The following DPP10 variants were observed in gnomAD, a reference collection of about 807,000 sequenced individuals.
The protein encoded by DPP10 is inactive dipeptidyl peptidase 10.
A neutral mutation model predicts 120.9 loss-of-function variants in DPP10; 33 were observed. That is an observed-to-expected ratio of 0.27 (90% CI 0.21 to 0.37). DPP10 has a LOEUF of 0.37. Ranked by LOEUF, DPP10 falls within the 10% of genes least tolerant of loss-of-function variation. The pLI is 1.00. For synonymous variants in DPP10, 337 were observed against 326.1 expected (o/e 1.03, Z -0.36); for missense variants, 816 against 942.8 (o/e 0.87, Z 1.76).
At chr2:115,784,291 C>T (rs1186276242) in intron 17 of DPP10, among the ~76,000 whole-genome samples, 2 of 151,984 alleles carry the variant, frequency 1.3e-5, no homozygotes, top group East Asian at 3.9e-4. Flanking sequence ...TAAGTCATAA[C>T]TCATTTTTGG....
intron 1 of DPP10, among the ~76,000 whole-genome samples, chr2:115,063,898 G>A (rs922901970): frequency 6.6e-6 from 1 of 152,010 alleles, no homozygotes; most frequent in African/African-American, 2.4e-5. Context: ...TGTATATAAG[G>A]TTTTATGATT....
At chr2:115,537,462 TATA>T (rs1166945308) in intron 5 of DPP10, among the ~76,000 whole-genome samples, 5 of 151,964 alleles carry the variant, frequency 3.3e-5, no homozygotes, top group African/African-American at 9.7e-5. Flanking sequence ...TTTTCTCTAT[TATA>T]AGGCTTTAGA....
chr2:114,663,280 A>T lies in DPP10; in HGVS notation c.60+220442A>T, dbSNP rs987143095. ...TATATCTATATATATATACACACAC[A>T]TATATGTATACATATACATATATAC... On this transcript the variant is annotated intron_variant, in intron 1 of 25. Transcript: ENST00000410059. 1.2e-4 allele frequency among the ~76,000 whole-genome samples: 18 copies of T among 149,906 alleles called. No individual in the cohort carries two copies. The Admixed American group carries it at 1.2e-3, about 10-fold the overall frequency.
chr2:115,518,055 C>T (rs1027120482), intron 4 of DPP10, among the ~76,000 whole-genome samples: 4 of 152,072 alleles, frequency 2.6e-5, no homozygotes, highest in Non-Finnish European at 4.4e-5. Flanking sequence ...AGAGAGAGGA[C>T]GTGCCAGGCT....
intron 1 of DPP10, among the ~76,000 whole-genome samples, chr2:114,467,495 G>A (rs150808336): frequency 6.6e-6 from 1 of 152,136 alleles, no homozygotes; most frequent in East Asian, 1.9e-4. Context: ...TAGATGTCTA[G>A]AGATCAGAGT....
intron 3 of DPP10, among the ~76,000 whole-genome samples, chr2:115,350,489 C>T (rs974519402): frequency 1.3e-5 from 2 of 151,842 alleles, no homozygotes; most frequent in Non-Finnish European, 2.9e-5. Flanking sequence ...GAAATTCAAA[C>T]CTAACAAGTA....
At chr2:115,520,743 A>G (rs889275449) in intron 4 of DPP10, among the ~76,000 whole-genome samples, 2 of 152,114 alleles carry the variant, frequency 1.3e-5, no homozygotes, top group African/African-American at 2.4e-5. Flanking sequence ...TGAATATTTT[A>G]TGTTTTCTGA....
chr2:115,621,310 T>C (rs1237447205), intron 5 of DPP10, among the ~76,000 whole-genome samples: 3 of 152,220 alleles, frequency 2.0e-5, no homozygotes, highest in South Asian at 2.1e-4. Context: ...CCTTCTATTA[T>C]AAAATATTAC....
intron 1 of DPP10, among the ~76,000 whole-genome samples, chr2:115,279,625 TTTTCTTTC>T (rs1331758782): frequency 4.6e-5 from 7 of 150,714 alleles, no homozygotes; most frequent in African/African-American, 9.8e-5. Context: ...CTTTTATCTT[TTTTCTTTC>T]TTTCTTTCTT....
chr2:115,500,572 A>T (rs1274325703), intron 4 of DPP10, among the ~76,000 whole-genome samples: 1 of 152,050 alleles, frequency 6.6e-6, no homozygotes, highest in East Asian at 1.9e-4. Context: ...AGGTCATTAC[A>T]ATCATTAAGT....
At chr2:115,788,269 G>GA (rs1248120116) in intron 17 of DPP10, among the ~76,000 whole-genome samples, 1 of 151,998 alleles carries the variant, frequency 6.6e-6, no homozygotes, top group African/African-American at 2.4e-5. Context: ...GTTGTGATTA[G>GA]AAAGAAATTT....
chr2:114,670,279 C>A (rs892411365), intron 1 of DPP10, among the ~76,000 whole-genome samples: 4 of 151,904 alleles, frequency 2.6e-5, no homozygotes, highest in Non-Finnish European at 5.9e-5. Context: ...CCAAATGTCC[C>A]ACAGTGATAG....
intron 1 of DPP10, among the ~76,000 whole-genome samples, chr2:114,870,520 G>A (rs1291673655): frequency 6.8e-6 from 1 of 145,988 alleles, no homozygotes; most frequent in East Asian, 2.3e-4. Context: ...AAGGGCAATA[G>A]AAGCTACAAA....
intron 3 of DPP10, among the ~76,000 whole-genome samples, chr2:115,380,810 G>T (rs1373287065): frequency 2.0e-5 from 3 of 152,024 alleles, no homozygotes; most frequent in Non-Finnish European, 4.4e-5. Flanking sequence ...CTTCACTTAT[G>T]AAGCTTAGTT....
chr2:114,896,217 G>T (rs918075220), intron 1 of DPP10, among the ~76,000 whole-genome samples: 3 of 152,104 alleles, frequency 2.0e-5, no homozygotes, highest in African/African-American at 7.2e-5. Context: ...GGCGATGCGG[G>T]CTCTTTTTTG....
intron 1 of DPP10, among the ~76,000 whole-genome samples, chr2:115,114,515 T>C (rs2104700119): frequency 6.6e-6 from 1 of 152,282 alleles, no homozygotes; most frequent in Non-Finnish European, 1.5e-5. Flanking sequence ...CCAATATTTA[T>C]TCTCAAGGAG....
intron 1 of DPP10, among the ~76,000 whole-genome samples, chr2:114,553,224 C>T (rs1340872143): frequency 1.3e-5 from 2 of 152,248 alleles, no homozygotes; most frequent in African/African-American, 2.4e-5. Context: ...GCATTCGTCT[C>T]TTCCTCTTGC....
intron 1 of DPP10, among the ~76,000 whole-genome samples, chr2:115,254,002 C>T (rs1390674811): frequency 6.6e-6 from 1 of 151,894 alleles, no homozygotes; most frequent in East Asian, 1.9e-4. Flanking sequence ...TTCTATACAC[C>T]CTCTGAAATA....
chr2:115,763,593 T>C (rs1228490404), intron 12 of DPP10, among the ~76,000 whole-genome samples: 1 of 152,114 alleles, frequency 6.6e-6, no homozygotes, highest in Non-Finnish European at 1.5e-5. Context: ...ATCTCTCAAG[T>C]CAATTTACTT....
Sources: allele counts gnomAD v4.1 joint callset (sites outside exome capture counted in the v4.1 genomes callset), GRCh38; gene constraint gnomAD v4.1.1; transcripts MANE v1.5; gene names NCBI Gene and HGNC (gene_info 2026-07-23, HGNC 2026-07-21).